The following CNOT10 variants were observed in gnomAD, a reference collection of about 807,000 sequenced individuals.
CNOT10 encodes the protein CCR4-NOT transcription complex, subunit 10.
In CNOT10, 30 loss-of-function variants were observed where a neutral mutation model predicts 94.6. That is an observed-to-expected ratio of 0.32 (90% confidence interval 0.24 to 0.43). CNOT10 has a LOEUF of 0.43. Among genes scored for constraint, CNOT10 ranks in the 20% least tolerant of loss-of-function variants. CNOT10 has a pLI of 1.00. For missense variants in CNOT10, 759 were observed against 877.2 expected (o/e 0.87, Z 1.70); for synonymous variants, 289 against 301.6 (o/e 0.96, Z 0.43).
intron 4 of CNOT10, 117 bp downstream of exon 4, chr3:32,708,937 C>T (rs1326684466): frequency 2.6e-6 from 2 of 755,646 alleles, no homozygotes; most frequent in African/African-American, 1.8e-5. Context: ...CAAAGAAAAG[C>T]CGTATCAGCT....
chr3:32,702,208 GC>G (rs1697385922), intron 1 of CNOT10, among the ~76,000 whole-genome samples: 2 of 151,606 alleles, frequency 1.3e-5, no homozygotes, highest in Admixed American at 1.3e-4. Flanking sequence ...CAATTCTCGT[GC>G]CTCAGCCTCC....
intron 1 of CNOT10, among the ~76,000 whole-genome samples, chr3:32,699,187 C>G (rs1033480810): frequency 2.0e-5 from 3 of 152,068 alleles, no homozygotes; most frequent in Non-Finnish European, 4.4e-5. Context: ...GCTGTGTATC[C>G]TTGTAGACTT....
chr3:32,768,259 C>T lies in CNOT10; in HGVS notation c.2005-1628C>T, dbSNP rs573972468. Among the ~76,000 whole-genome samples, 8 of 152,222 alleles carry T rather than the reference C, an allele frequency of 5.3e-5. No individual in the cohort carries two copies. In the South Asian group the frequency reaches 1.7e-3, roughly 32 times the overall value. ...AACAGTAAATAAAATGTGTTACTAG[C>T]CACTTGGATGGAAAACAGAGATTTT... is the stretch of plus-strand genomic sequence containing the variant. On this transcript the variant is annotated intron_variant, in intron 17 of 18. Transcript: ENST00000328834.
At chr3:32,768,467 C>T (rs1240981181) in intron 17 of CNOT10, among the ~76,000 whole-genome samples, 1 of 152,058 alleles carries the variant, frequency 6.6e-6, no homozygotes, top group Non-Finnish European at 1.5e-5. Flanking sequence ...CCTGTAATCC[C>T]AGCTACTTGG....
Position 32,720,517 on chromosome 3 carries a change from A to ATT in CNOT10, c.862+292_862+293dup, listed in dbSNP as rs983896937. Among the ~76,000 whole-genome samples the ATT allele has an allele frequency of 2.2e-5, 3 of 136,802 alleles. No homozygotes were observed. In the East Asian group the frequency reaches 6.4e-4, roughly 29 times the overall value. The allele number at this position is 136,802 out of a possible 152,430, so 89.7% of individuals were successfully genotyped here. On this transcript the variant is annotated intron_variant, in intron 8 of 18. Coordinates refer to ENST00000328834, the MANE Select transcript of CNOT10 (RefSeq NM_015442.3). ...TTTTATTTTTATTTTATTTTATTTT[A>ATT]TTTTTTTGGAAATAGGGTCTTGCTG...
intron 13 of CNOT10, among the ~76,000 whole-genome samples, chr3:32,758,443 G>T (rs1700306707): frequency 6.6e-6 from 1 of 152,178 alleles, no homozygotes; most frequent in South Asian, 2.1e-4. Flanking sequence ...GCCCAGCTGT[G>T]CTTTTTATAG....
intron 12 of CNOT10, among the ~76,000 whole-genome samples, chr3:32,736,667 T>C (rs1396576639): frequency 6.6e-6 from 1 of 152,046 alleles, no homozygotes; most frequent in Non-Finnish European, 1.5e-5. Context: ...ACCAGCTACT[T>C]GGGAGGCTGG....
At chr3:32,759,597 C>T (rs750774661) in intron 14 of CNOT10, 26 bp downstream of exon 14, 2 of 1,529,834 alleles carry the variant, frequency 1.3e-6, no homozygotes, top group Middle Eastern at 3.4e-4. Context: ...CCTGTGTGTC[C>T]CTGGTTTCTT....
chr3:32,702,196 A>T (rs561959187), intron 1 of CNOT10, among the ~76,000 whole-genome samples: 1 of 151,746 alleles, frequency 6.6e-6, no homozygotes, highest in Admixed American at 6.6e-5. Flanking sequence ...CCCAGGTTCA[A>T]GCAATTCTCG....
chr3:32,753,522 A>G, intron 13 of CNOT10: 2 of 1,577,724 alleles, frequency 1.3e-6, no homozygotes, highest in Non-Finnish European at 8.7e-7. Flanking sequence ...AAGTAGTTTC[A>G]ACCAAGATTG....
intron 1 of CNOT10, chr3:32,695,675 CT>C: frequency 6.5e-7 from 1 of 1,535,930 alleles, no homozygotes; most frequent in Non-Finnish European, 8.7e-7. Context: ...TCAAAGAGCT[CT>C]GTACGCATAG....
rs972759201 is a variant in CNOT10, at chr3:32,764,376, A to G, written c.1841-79A>G. On this transcript the variant is annotated intron_variant, in intron 15 of 18. Coordinates refer to ENST00000328834, the MANE Select transcript of CNOT10 (RefSeq NM_015442.3). ...GAAAAGAAAAGAAAATATGCCCTCT[A>G]CCTTCTGAGCCCGAGGAGAAAAGAA... 3.6e-5 allele frequency: 51 copies of G among 1,426,634 alleles called. No individual in the cohort carries two copies. The African/African-American group carries it at 6.2e-4, about 17-fold the overall frequency. The allele number at this position is 1,426,634 out of a possible 1,614,324, so 88.4% of individuals were successfully genotyped here.
At chr3:32,745,342 G>T (rs540493886) in intron 13 of CNOT10, among the ~76,000 whole-genome samples, 1 of 151,922 alleles carries the variant, frequency 6.6e-6, no homozygotes, top group Non-Finnish European at 1.5e-5. Flanking sequence ...ATAGTTGGTT[G>T]AATCTACAGA....
At chr3:32,688,546 G>A (rs536230694) in intron 1 of CNOT10, among the ~76,000 whole-genome samples, 21 of 151,886 alleles carry the variant, frequency 1.4e-4, no homozygotes, top group Non-Finnish European at 2.9e-4. Flanking sequence ...GCAGCAACCC[G>A]AGATCGCACC....
intron 2 of CNOT10, among the ~76,000 whole-genome samples, 168 bp from the exon 3 acceptor site, chr3:32,704,643 C>T (rs908621420): frequency 1.3e-5 from 2 of 152,106 alleles, no homozygotes; most frequent in Non-Finnish European, 2.9e-5. Flanking sequence ...CACAGTTTAA[C>T]TGACATGAAT....
At position 32,742,678 on chromosome 3, in the gene CNOT10, G is replaced by C. The variant is rs569625662; in HGVS notation, c.1595+5188G>C. On this transcript the variant is annotated intron_variant, in intron 13 of 18. Transcript: ENST00000328834. ...ATCATAGGCGTGAGCCACCGCATCT[G>C]TCCTTTACCAGTAATTTTGTAGTCT... Among the ~76,000 whole-genome samples the C allele has an allele frequency of 2.6e-5, 4 of 152,280 alleles. No individual in the cohort carries two copies. The East Asian group carries it at 7.7e-4, about 29-fold the overall frequency.
At chr3:32,768,334 C>A (rs1254450256) in intron 17 of CNOT10, among the ~76,000 whole-genome samples, 3 of 151,420 alleles carry the variant, frequency 2.0e-5, no homozygotes, top group African/African-American at 7.3e-5. Context: ...GTAATCCCAG[C>A]ACTTTGGGAG....
intron 1 of CNOT10, chr3:32,695,499 T>G: frequency 7.2e-7 from 1 of 1,389,314 alleles, no homozygotes; most frequent in Non-Finnish European, 9.6e-7. Context: ...CCAATCAGAT[T>G]TGAATGATTA....
rs935776698 is a variant in CNOT10 at position 32,685,218 on chromosome 3, C to G, written c.-243C>G. On this transcript the variant is annotated 5_prime_UTR_variant, in exon 1 of 19. Coordinates refer to ENST00000328834, the MANE Select transcript of CNOT10 (RefSeq NM_015442.3). ...GTACCGGGACGCCGTGAGGCGGAAG[C>G]TGTGTATGGCGGGAGGCTGTGGCGG... 8.2e-5 allele frequency: 36 copies of G among 441,700 alleles called. No homozygotes were observed. In the South Asian group the frequency reaches 1.1e-3, roughly 13 times the overall value. The allele number at this position is 441,700 out of a possible 1,614,324, so 27.4% of individuals were successfully genotyped here.
Sources: gnomAD v4.1 joint callset for allele counts (sites outside exome capture counted in the v4.1 genomes callset) on GRCh38, gnomAD v4.1.1 for gene constraint, MANE v1.5 for transcripts, NCBI Gene and HGNC (gene_info 2026-07-23, HGNC 2026-07-21) for gene names.